HIBCH: variants seen among roughly 807,000 people sequenced by gnomAD.
HIBCH encodes 3-hydroxyisobutyryl-CoA hydrolase, mitochondrial.
A neutral mutation model predicts 58.2 loss-of-function variants in HIBCH; 50 were observed. The observed-to-expected ratio is 0.86, with a 90% CI of 0.68 to 1.09. The LOEUF (loss-of-function observed/expected upper bound fraction) is 1.09. HIBCH is among the 50% of genes least tolerant of loss of function. The probability of loss-of-function intolerance (pLI) is 0.00; values close to 1 mark genes in which losing one functional copy is unlikely to be tolerated. For missense variants in HIBCH, 450 were observed against 449.7 expected, an observed-to-expected ratio of 1.00 and a Z score of -0.01; for synonymous variants, 151 against 146.9, an observed-to-expected ratio of 1.03 and a Z score of -0.20.
At chr2:190,229,633 G>C (rs1188981436) in intron 11 of HIBCH, among the ~76,000 whole-genome samples, 1 of 152,184 alleles carries the variant, frequency 6.6e-6, no homozygotes, top group Non-Finnish European at 1.5e-5. Flanking sequence ...TAAAGCATTT[G>C]TTCATATTAT....
intron 1 of HIBCH, among the ~76,000 whole-genome samples, chr2:190,195,091 T>G (rs1689906274): frequency 6.6e-6 from 1 of 152,186 alleles, no homozygotes; most frequent in African/African-American, 2.4e-5. Context: ...CTTGAACTCC[T>G]GGGCTCAAAT....
At chr2:190,192,450 A>ATGTGTGTG (rs1340574113) in intron 1 of HIBCH, among the ~76,000 whole-genome samples, 3 of 93,696 alleles carry the variant, frequency 3.2e-5, no homozygotes, top group African/African-American at 1.3e-4. Flanking sequence ...ATAATTCAGA[A>ATGTGTGTG]TCTGTGTGTG....
chr2:190,232,170 G>A (rs543124879), intron 11 of HIBCH, among the ~76,000 whole-genome samples: 18 of 152,104 alleles, frequency 1.2e-4, no homozygotes, highest in African/African-American at 4.1e-4. Context: ...ACTCCAGCCC[G>A]GGCAACAGAG....
chr2:190,193,809 C>A (rs1237003339), intron 1 of HIBCH, among the ~76,000 whole-genome samples: 1 of 152,024 alleles, frequency 6.6e-6, no homozygotes, highest in East Asian at 1.9e-4. Context: ...GATTTCTGTT[C>A]TTACCTACTT....
At chr2:190,289,767 A>T (rs914574880) in intron 5 of HIBCH, among the ~76,000 whole-genome samples, 6 of 152,068 alleles carry the variant, frequency 3.9e-5, no homozygotes, top group Non-Finnish European at 8.8e-5. Flanking sequence ...ATATAAAGAA[A>T]TTTTTATTCC....
At chr2:190,251,575 G>A in intron 8 of HIBCH, 1 of 436,922 alleles carries the variant, frequency 2.3e-6, no homozygotes, top group South Asian at 1.7e-5. Flanking sequence ...ACGGGAAAAT[G>A]GGGGGCAAAA....
chr2:190,242,474 T>C (rs1010485121), intron 11 of HIBCH, among the ~76,000 whole-genome samples: 2 of 151,740 alleles, frequency 1.3e-5, no homozygotes, highest in Admixed American at 6.6e-5. Flanking sequence ...TGGAGAGGAG[T>C]TGTAATCATT....
rs74720432 is a variant in HIBCH at position 190,206,992 on chromosome 2, G to T, written c.1046-1760C>A. ...TACAAAAAAATTAGGCGTGGTGGCA[G>T]GCGCTTTTAGTCCCAGCTACTCGGG... On this transcript the variant is annotated intron_variant, in intron 13 of 13. Transcript: ENST00000359678. This position sits in a 1 kb window ranked among gnomAD's most constrained non-coding sequence, Gnocchi z 5.1. Among the ~76,000 whole-genome samples the T allele has an allele frequency of 2.4e-3, 360 of 152,176 alleles. 1 individual carries two copies. Among genetic ancestry groups the T allele is most frequent in the African/African-American group, 8.0e-3 (333 of 41,510 alleles).
chr2:190,205,287 AT>A (rs1690363625), intron 13 of HIBCH, 55 bp from the exon 14 acceptor site: 1 of 978,104 alleles, frequency 1.0e-6, no homozygotes, highest in Non-Finnish European at 1.6e-6. Flanking sequence ...ATATTGCTAG[AT>A]TTTACTTACT....
At chr2:190,301,147 T>C (rs563515434) in intron 2 of HIBCH, among the ~76,000 whole-genome samples, 21 of 152,330 alleles carry the variant, frequency 1.4e-4, no homozygotes, top group African/African-American at 4.6e-4. Context: ...CAGGCTAGGA[T>C]GACTGGAGCC....
At chr2:190,195,941 C>CTT (rs35679833) in intron 1 of HIBCH, among the ~76,000 whole-genome samples, 1,830 of 86,102 alleles carry the variant, frequency 0.021, 76 homozygotes, top group African/African-American at 0.062. Flanking sequence ...CTGTGTCCAG[C>CTT]TTTTTTTTTT....
chr2:190,250,436 G>A (rs1215728343), intron 8 of HIBCH: 12 of 460,794 alleles, frequency 2.6e-5, no homozygotes, highest in South Asian at 9.6e-5. Flanking sequence ...ACTTCTAATC[G>A]CATCCCCAAA....
At position 190,246,200 on chromosome 2, in the gene HIBCH, G is replaced by A. The variant is rs1248460683; in HGVS notation, c.763C>T (p.Arg255Ter). ...ENYHTESKID[R>*]DKSFILEEHM... ...TCCTCAAGTATAAAAGACTTGTCTC[G>A]ATCAATCTTAGACTGTTTGAAAAGA... is the stretch of plus-strand genomic sequence containing the variant. Residue 255 changes from arginine to a stop codon, truncating the protein, a stop_gained, in exon 10 of 14, where the codon CGA (arginine) becomes TGA (stop). Transcript: ENST00000359678. LOFTEE classifies it high-confidence loss of function. 3 of 1,590,634 alleles carry A rather than the reference G, an allele frequency of 1.9e-6. No homozygotes were observed. Among genetic ancestry groups the A allele is most frequent in the Non-Finnish European group, 2.6e-6 (3 of 1,160,296 alleles).
chr2:190,285,451 C>T (rs1687805954), intron 6 of HIBCH, among the ~76,000 whole-genome samples: 1 of 152,120 alleles, frequency 6.6e-6, no homozygotes, highest in Admixed American at 6.5e-5. Flanking sequence ...CACAACCAAC[C>T]CACGCTCAGT....
chr2:190,274,114 T>A (rs563539324), intron 6 of HIBCH, among the ~76,000 whole-genome samples: 1 of 152,246 alleles, frequency 6.6e-6, no homozygotes, highest in East Asian at 1.9e-4. Context: ...TCAGGTTCCA[T>A]ACTAAGTAAA....
intron 6 of HIBCH, among the ~76,000 whole-genome samples, chr2:190,266,949 G>GTTT (rs1687260006): frequency 4.3e-5 from 6 of 139,216 alleles, no homozygotes; most frequent in African/African-American, 1.6e-4. Flanking sequence ...TAGAGATGGG[G>GTTT]TTTCACCACG....
At chr2:190,241,353 ATG>A (rs1172435347) in intron 11 of HIBCH, among the ~76,000 whole-genome samples, 2 of 152,032 alleles carry the variant, frequency 1.3e-5, no homozygotes, top group Non-Finnish European at 2.9e-5. Flanking sequence ...TTGAACCTAT[ATG>A]TGTCTTTGCA....
Position 190,319,740 on chromosome 2 carries a change from C to T in HIBCH, c.11G>A (p.Arg4His), listed in dbSNP as rs749741622. 2.5e-6 allele frequency: 4 copies of T among 1,612,940 alleles called. No homozygotes were observed. Among genetic ancestry groups the T allele is most frequent in the Non-Finnish European group, 3.4e-6 (4 of 1,179,552 alleles). Reference sequence around the variant, plus strand: ...CCTCGACATGAGCCTCCACATCTCGCGCTGCCCCATCGCCAAACACTCCGA... The same window carrying T: ...CCTCGACATGAGCCTCCACATCTCGTGCTGCCCCATCGCCAAACACTCCGA... MGQ[R>H]EMWRLMSRFN... Residue 4 changes from arginine (R) to histidine (H), a missense_variant, in exon 1 of 14, where the codon CGC (arginine) becomes CAC (histidine). By Grantham distance (29) the Arg-to-His change is conservative (BLOSUM62 0). Coordinates refer to ENST00000359678, the MANE Select transcript of HIBCH (RefSeq NM_014362.4).
At chr2:190,319,619 G>T in intron 1 of HIBCH, 97 bp downstream of exon 1, 1 of 1,097,518 alleles carries the variant, frequency 9.1e-7, no homozygotes, top group South Asian at 1.3e-5. Context: ...AGCGCGACTC[G>T]AAACTTCGAG....
Sources: gnomAD v4.1 joint callset for allele counts (sites outside exome capture counted in the v4.1 genomes callset) on GRCh38, gnomAD v4.1.1 for gene constraint, Gnocchi (gnomAD v3.1) non-coding constraint, MANE v1.5 for transcripts, NCBI Gene and HGNC (gene_info 2026-07-23, HGNC 2026-07-21) for gene names.